COL11A1: variants seen among roughly 807,000 people sequenced by gnomAD.
COL11A1 encodes the protein collagen alpha-1(XI) chain.
A neutral mutation model predicts 265.2 loss-of-function variants in COL11A1; 74 were observed. The ratio of observed to expected loss-of-function variants is 0.28; its 90% confidence interval spans 0.23 to 0.34. The LOEUF (loss-of-function observed/expected upper bound fraction) is 0.34. Ranked by LOEUF, COL11A1 falls within the 10% of genes least tolerant of loss-of-function variation. COL11A1 has a pLI of 1.00. For missense variants in COL11A1, 2,165 were observed against 2,263.6 expected, an observed-to-expected ratio of 0.96 and a Z score of 0.88; for synonymous variants, 816 against 727.6, an observed-to-expected ratio of 1.12 and a Z score of -1.96.
rs1455514139 is a variant in COL11A1 at position 103,031,252 on chromosome 1, A to G, written c.652-8T>C. The G allele has an allele frequency of 2.0e-6, 3 of 1,527,676 alleles. No individual in the cohort carries two copies. Among genetic ancestry groups the G allele is most frequent in the African/African-American group, 1.5e-5 (1 of 65,434 alleles). 94.6% of individuals were successfully genotyped at this position (1,527,676 alleles called of 1,614,324 possible). A position where few individuals can be genotyped will look rare whatever the true frequency, so the allele number is the denominator to read the frequency against. The stretch of plus-strand genomic sequence containing the variant: ...AAACTGCTGAATGTCCCCCTGGGAA[A>G]AAAAAAAAAACAAAAACAAACAGAC... On this transcript the variant is annotated splice_region_variant and splice_polypyrimidine_tract_variant and intron_variant, in intron 4 of 66. Transcript: ENST00000370096.
intron 20 of COL11A1, 59 bp from the exon 21 acceptor site, chr1:103,003,327 C>T: frequency 1.3e-6 from 2 of 1,490,368 alleles, no homozygotes; most frequent in East Asian, 2.3e-5. Flanking sequence ...TAATAACATG[C>T]CTCTTTCAAT....
intron 54 of COL11A1, among the ~76,000 whole-genome samples, chr1:102,904,994 C>T (rs1179888292): frequency 6.6e-6 from 1 of 151,888 alleles, no homozygotes; most frequent in African/African-American, 2.4e-5. Flanking sequence ...CAACAATAGA[C>T]TGGATTAAGA....
chr1:102,961,947 AT>A, intron 40 of COL11A1, 28 bp from the exon 41 acceptor site: 1 of 1,589,066 alleles, frequency 6.3e-7, no homozygotes, highest in Non-Finnish European at 8.6e-7. Context: ...AATAAAGAAA[AT>A]GAATCCATAT....
At chr1:103,038,638 T>C (rs991915153) in intron 4 of COL11A1, among the ~76,000 whole-genome samples, 3 of 152,144 alleles carry the variant, frequency 2.0e-5, no homozygotes, top group Admixed American at 1.3e-4. Context: ...ACTCAAAAGA[T>C]GTCATTTGAG....
At chr1:103,018,556 T>C (rs547350284) in intron 10 of COL11A1, among the ~76,000 whole-genome samples, 7 of 152,264 alleles carry the variant, frequency 4.6e-5, no homozygotes, top group Admixed American at 4.6e-4. Flanking sequence ...TTTACTTTCA[T>C]ATATTTCAGT....
chr1:102,889,933 T>C (rs960287683), intron 58 of COL11A1, among the ~76,000 whole-genome samples: 2 of 152,152 alleles, frequency 1.3e-5, no homozygotes, highest in African/African-American at 4.8e-5. Flanking sequence ...TCATTTAATA[T>C]GAAATAATTT....
In COL11A1 at chr1:102,880,188, C is replaced by G. The variant is rs12722976; in HGVS notation, c.5041-272G>C. ...AAGTCTTAGTTTCCTAAACAGTAAA[C>G]ACTATAAAAAATGCTTTAGTTTCCA... On this transcript the variant is annotated intron_variant, in intron 65 of 66. Transcript: ENST00000370096. 0.42 allele frequency among the ~76,000 whole-genome samples: 63,196 copies of G among 151,850 alleles called. 15,747 individuals are homozygous for G. The highest frequency in any genetic ancestry group is 0.66 in the East Asian group (3,421 of 5,160).
At chr1:102,915,805 T>C (rs1284328560) in intron 49 of COL11A1, 121 bp from the exon 50 acceptor site, 9 of 777,392 alleles carry the variant, frequency 1.2e-5, no homozygotes, top group South Asian at 1.9e-5. Flanking sequence ...TTAAAAGGCA[T>C]TGAAAAACTT....
In COL11A1 at chr1:102,928,571, G is replaced by A. The variant is rs548797159; in HGVS notation, c.3601-5182C>T. ...TGCTACAATAAACATACGTGTGCAT[G>A]TACAGCAGCATGATTTCTAATCCTT... On this transcript the variant is annotated intron_variant, in intron 46 of 66. Coordinates refer to ENST00000370096, the MANE Select transcript of COL11A1 (RefSeq NM_001854.4). Among the ~76,000 whole-genome samples, 101 of 151,484 alleles carry A rather than the reference G, an allele frequency of 6.7e-4. No homozygotes were observed. In the Middle Eastern group the frequency reaches 0.014, roughly 21 times the overall value.
intron 41 of COL11A1, among the ~76,000 whole-genome samples, chr1:102,956,884 A>G (rs1660424318): frequency 6.6e-6 from 1 of 151,810 alleles, no homozygotes; most frequent in Non-Finnish European, 1.5e-5. Flanking sequence ...CTGACTAAAA[A>G]AAAAACCAAG....
rs902770605 is a variant in COL11A1, at chr1:102,929,058, G to A, written c.3600+5391C>T. On this transcript the variant is annotated intron_variant, in intron 46 of 66. Coordinates refer to ENST00000370096, the MANE Select transcript of COL11A1 (RefSeq NM_001854.4). ...TTGTAGGTTGCCTGTTCACTCTGACGGTAGTTTATTTTGCTGTGCAGAAGC... is the reference window on the plus strand; with the variant it reads ...TTGTAGGTTGCCTGTTCACTCTGACAGTAGTTTATTTTGCTGTGCAGAAGC... Among the ~76,000 whole-genome samples the A allele has an allele frequency of 4.3e-4, 63 of 145,926 alleles. 3 individuals are homozygous for A. The highest frequency in any genetic ancestry group is 1.0e-3 in the African/African-American group (40 of 39,198).
At chr1:103,038,566 A>G (rs1197837177) in intron 4 of COL11A1, among the ~76,000 whole-genome samples, 1 of 152,152 alleles carries the variant, frequency 6.6e-6, no homozygotes, top group Non-Finnish European at 1.5e-5. Flanking sequence ...GTGAGGGTAA[A>G]GAGTAGATAT....
chr1:103,007,577 A>T lies in COL11A1; in HGVS notation c.1683+886T>A, dbSNP rs1378882473. ...AATATAAAATTAAGACTGTCTAAAG[A>T]CCCAGCGCGGTGAATCATTCCTATA... On this transcript the variant is annotated intron_variant, in intron 15 of 66. Coordinates refer to ENST00000370096, the MANE Select transcript of COL11A1 (RefSeq NM_001854.4). 2.0e-5 allele frequency among the ~76,000 whole-genome samples: 3 copies of T among 152,042 alleles called. No homozygotes were observed. The East Asian group carries it at 5.8e-4, about 29-fold the overall frequency.
chr1:103,040,873 T>C (rs1024792496), intron 4 of COL11A1, among the ~76,000 whole-genome samples: 1 of 151,748 alleles, frequency 6.6e-6, no homozygotes, highest in Non-Finnish European at 1.5e-5. Flanking sequence ...ACATAAAAGC[T>C]ATTAATTATT....
chr1:103,069,359 A>T (rs1446218096), intron 4 of COL11A1, among the ~76,000 whole-genome samples: 1 of 151,834 alleles, frequency 6.6e-6, no homozygotes, highest in Non-Finnish European at 1.5e-5. Context: ...ATGATTATGT[A>T]GAAAACAGTG....
Position 102,962,764 on chromosome 1 carries a change from A to C in COL11A1, c.2917-4T>G, listed in dbSNP as rs1190312646. On this transcript the variant is annotated splice_region_variant and splice_polypyrimidine_tract_variant and intron_variant, in intron 38 of 66. Coordinates refer to ENST00000370096, the MANE Select transcript of COL11A1 (RefSeq NM_001854.4). Reference sequence around the variant, plus strand: ...GACCAGTCTCACCGGTTGGTCCCTAAATTAGATAAGCAAAATCACTTTAGA... The same window carrying C: ...GACCAGTCTCACCGGTTGGTCCCTACATTAGATAAGCAAAATCACTTTAGA... The C allele has an allele frequency of 3.1e-6, 5 of 1,613,646 alleles. No individual in the cohort carries two copies. The highest frequency in any genetic ancestry group is 4.2e-6 in the Non-Finnish European group (5 of 1,179,740).
intron 2 of COL11A1, among the ~76,000 whole-genome samples, chr1:103,081,872 A>G (rs538295825): frequency 6.6e-6 from 1 of 151,980 alleles, no homozygotes; most frequent in African/African-American, 2.4e-5. Flanking sequence ...TAGATTAAAT[A>G]TTGACTGCAC....
At chr1:102,981,934 A>G (rs2101699880) in intron 31 of COL11A1, among the ~76,000 whole-genome samples, 1 of 152,008 alleles carries the variant, frequency 6.6e-6, no homozygotes, top group East Asian at 1.9e-4. Flanking sequence ...TCTGCTTGAA[A>G]GAGACTGGTA....
intron 24 of COL11A1, among the ~76,000 whole-genome samples, chr1:102,999,788 C>T (rs886684840): frequency 3.3e-5 from 5 of 151,836 alleles, no homozygotes; most frequent in Admixed American, 6.6e-5. Context: ...ATTTTCGAAG[C>T]GAAGGCTCTT....
Sources: allele counts gnomAD v4.1 joint callset (sites outside exome capture counted in the v4.1 genomes callset), GRCh38; gene constraint gnomAD v4.1.1; transcripts MANE v1.5; gene names NCBI Gene and HGNC (gene_info 2026-07-23, HGNC 2026-07-21).